Variants in AHCTF1 observed in about 807,000 individuals in gnomAD.
The protein encoded by AHCTF1 is AT-hook containing transcription factor 1, also known as protein ELYS.
Under a neutral mutation model 248.4 loss-of-function variants are expected in AHCTF1, and 24 were observed. The ratio of observed to expected loss-of-function variants is 0.10; its 90% CI spans 0.07 to 0.14. The LOEUF (loss-of-function observed/expected upper bound fraction) is 0.14, where lower values mean the gene tolerates loss of function less well. Ranked by LOEUF, AHCTF1 falls within the 10% of genes least tolerant of loss-of-function variation. The probability of loss-of-function intolerance (pLI) is 1.00; values close to 1 mark genes in which losing one functional copy is unlikely to be tolerated. For missense variants in AHCTF1, 2,206 were observed against 2,636.2 expected, an observed-to-expected ratio of 0.84 and a Z score of 3.57; for synonymous variants, 786 against 929.8, an observed-to-expected ratio of 0.85 and a Z score of 2.81.
chr1:246,849,500 G>A, intron 33 of AHCTF1, 115 bp downstream of exon 33: 3 of 1,368,096 alleles, frequency 2.2e-6, no homozygotes, highest in Non-Finnish European at 3.0e-6. Context: ...ATCAATTTTG[G>A]TTTGAGGGGG....
At chr1:246,885,288 T>C (rs1663737327) in intron 21 of AHCTF1, among the ~76,000 whole-genome samples, 1 of 152,172 alleles carries the variant, frequency 6.6e-6, no homozygotes, top group African/African-American at 2.4e-5. Flanking sequence ...AGCCCATGTA[T>C]ATGAAAAGCT....
intron 24 of AHCTF1, among the ~76,000 whole-genome samples, chr1:246,868,074 T>A (rs899018904): frequency 1.3e-5 from 2 of 151,718 alleles, no homozygotes; most frequent in African/African-American, 4.8e-5. Flanking sequence ...GCGATTCTCC[T>A]GCCTCAGCCT....
intron 3 of AHCTF1, 83 bp from the exon 4 acceptor site, chr1:246,913,495 T>A: frequency 7.5e-7 from 1 of 1,341,746 alleles, no homozygotes; most frequent in Non-Finnish European, 1.0e-6. Context: ...TTAAAGCAGG[T>A]TATCAGTTAT....
intron 33 of AHCTF1, among the ~76,000 whole-genome samples, chr1:246,847,438 T>TG (rs1487266316): frequency 6.6e-6 from 1 of 152,144 alleles, no homozygotes; most frequent in Non-Finnish European, 1.5e-5. Flanking sequence ...AAAACGTGAA[T>TG]GGTGATTCTT....
intron 4 of AHCTF1, among the ~76,000 whole-genome samples, chr1:246,910,271 G>A (rs1665708158): frequency 6.6e-6 from 1 of 152,198 alleles, no homozygotes; most frequent in Non-Finnish European, 1.5e-5. Context: ...AAAGAGGATT[G>A]CTGTACGTTC....
At chr1:246,888,271 T>C (rs1488418467) in intron 18 of AHCTF1, 38 bp from the exon 19 acceptor site, 1 of 1,613,218 alleles carries the variant, frequency 6.2e-7, no homozygotes, top group South Asian at 1.1e-5. Flanking sequence ...GTGGATCTTA[T>C]ACAGTCATTC....
intron 6 of AHCTF1, among the ~76,000 whole-genome samples, chr1:246,904,628 T>C (rs1665254105): frequency 6.6e-6 from 1 of 152,196 alleles, no homozygotes; most frequent in African/African-American, 2.4e-5. Context: ...AATATGGATG[T>C]TGCCCTCGAC....
At chr1:246,925,550 T>C (rs994952888) in intron 1 of AHCTF1, among the ~76,000 whole-genome samples, 1 of 151,800 alleles carries the variant, frequency 6.6e-6, no homozygotes, top group African/African-American at 2.4e-5. Context: ...AGACCAGGAG[T>C]TGTAGGTTGC....
chr1:246,895,406 TTG>T (rs1246202837), intron 13 of AHCTF1, among the ~76,000 whole-genome samples: 1 of 152,158 alleles, frequency 6.6e-6, no homozygotes. Context: ...CAATATGCGT[TTG>T]GGGTGTGTGT....
intron 33 of AHCTF1, 38 bp downstream of exon 33, chr1:246,849,577 C>A: frequency 6.4e-7 from 1 of 1,554,776 alleles, no homozygotes; most frequent in Non-Finnish European, 8.7e-7. Context: ...TGAAGAGTGA[C>A]TGAGATGAAA....
chr1:246,864,184 C>T (rs1661784770), intron 26 of AHCTF1, 68 bp from the exon 27 acceptor site: 3 of 1,462,000 alleles, frequency 2.1e-6, no homozygotes, highest in South Asian at 2.5e-5. Flanking sequence ...CCCATTTAAT[C>T]AGACCTCTAT....
At chr1:246,862,710 T>A (rs1490762672) in intron 27 of AHCTF1, among the ~76,000 whole-genome samples, 1 of 142,444 alleles carries the variant, frequency 7.0e-6, no homozygotes, top group Non-Finnish European at 1.5e-5. Flanking sequence ...ACTAAAAAAG[T>A]GCCAATTAGT....
At chr1:246,929,262 A>ATTT (rs1667157654) in intron 1 of AHCTF1, among the ~76,000 whole-genome samples, 2 of 152,230 alleles carry the variant, frequency 1.3e-5, no homozygotes, top group South Asian at 4.2e-4. Flanking sequence ...ACAAAAAATT[A>ATTT]GCCGAGTGTG....
rs1659708453 is a variant in AHCTF1 at position 246,839,688 on chromosome 1, A to G, written c.*1118T>C. 1.0e-5 allele frequency: 4 copies of G among 400,438 alleles called. No individual in the cohort carries two copies. Among genetic ancestry groups the G allele is most frequent in the Middle Eastern group, 1.2e-3 (1 of 814 alleles). The allele number at this position is 400,438 out of a possible 1,614,324, so 24.8% of individuals were successfully genotyped here. On this transcript the variant is annotated 3_prime_UTR_variant, in exon 36 of 36. Coordinates refer to ENST00000648844, the MANE Select transcript of AHCTF1 (RefSeq NM_001323342.2). ...TAAAATATTAAAAGCCCACGAAAGC[A>G]GTTCGTTTCTAGATAATCAATTATT...
In AHCTF1 at chr1:246,860,589, C is replaced by G. The variant is rs1661465743; in HGVS notation, c.4132+310G>C. On this transcript the variant is annotated intron_variant, in intron 29 of 35. Transcript: ENST00000648844. ...CTTCTGAGATAGGGTCTTGCTCTGT[C>G]ACGCAGGCTAAAGTACAGTGGTGCA... Among the ~76,000 whole-genome samples, 3 of 152,150 alleles carry G rather than the reference C, an allele frequency of 2.0e-5. No individual in the cohort carries two copies. In the South Asian group the frequency reaches 6.2e-4, roughly 32 times the overall value.
intron 30 of AHCTF1, among the ~76,000 whole-genome samples, chr1:246,856,557 G>A (rs1661122236): frequency 6.6e-6 from 1 of 151,750 alleles, no homozygotes; most frequent in Non-Finnish European, 1.5e-5. Flanking sequence ...TAACTCTCAT[G>A]TGATTCCTTC....
In AHCTF1 at chr1:246,877,314, A is replaced by G. The variant is rs755159572; in HGVS notation, c.2661-12T>C. The G allele has an allele frequency of 6.4e-7, 1 of 1,550,428 alleles. No individual in the cohort carries two copies. Among genetic ancestry groups the G allele is most frequent in the Non-Finnish European group, 8.7e-7 (1 of 1,152,662 alleles). Reference sequence around the variant, plus strand: ...CTTCAACCATACACCTGAAAGCAGTATTTATCAAAGTTTAGTTTTAGAAAA... The same window carrying G: ...CTTCAACCATACACCTGAAAGCAGTGTTTATCAAAGTTTAGTTTTAGAAAA... On this transcript the variant is annotated splice_polypyrimidine_tract_variant and intron_variant, in intron 21 of 35. Coordinates refer to ENST00000648844, the MANE Select transcript of AHCTF1 (RefSeq NM_001323342.2).
chr1:246,878,966 A>C (rs1663194510), intron 21 of AHCTF1, among the ~76,000 whole-genome samples: 1 of 152,198 alleles, frequency 6.6e-6, no homozygotes, highest in Admixed American at 6.5e-5. Context: ...TCATGTGCAC[A>C]GAAATATAGT....
At chr1:246,859,063 T>A (rs968213315) in intron 29 of AHCTF1, among the ~76,000 whole-genome samples, 1 of 152,162 alleles carries the variant, frequency 6.6e-6, no homozygotes, top group Admixed American at 6.5e-5. Context: ...AGAGCAAGAC[T>A]CTGTCTCAAA....
Sources: allele counts gnomAD v4.1 joint callset (sites outside exome capture counted in the v4.1 genomes callset), GRCh38; gene constraint gnomAD v4.1.1; transcripts MANE v1.5; gene names NCBI Gene and HGNC (gene_info 2026-07-23, HGNC 2026-07-21).